Variants in MCTP1 observed in about 807,000 individuals in gnomAD.
The protein encoded by MCTP1 is multiple C2 and transmembrane domain-containing protein 1.
MCTP1 carries 69 observed loss-of-function variants against 120.6 expected under a neutral mutation model. The observed-to-expected ratio is 0.57, with a 90% confidence interval of 0.47 to 0.70. The LOEUF is 0.70. Among genes scored for constraint, MCTP1 ranks in the 30% least tolerant of loss-of-function variants. The probability of loss-of-function intolerance (pLI) is 0.00; values close to 1 mark genes in which losing one functional copy is unlikely to be tolerated. For missense variants in MCTP1, 1,203 were observed against 1,248.8 expected (o/e 0.96, Z 0.55); for synonymous variants, 529 against 493.1 (o/e 1.07, Z -0.96).
chr5:95,283,822 G>T (rs1760519928), intron 1 of MCTP1, 34 bp downstream of exon 1: 2 of 1,285,788 alleles, frequency 1.6e-6, no homozygotes, highest in Non-Finnish European at 1.9e-6. Context: ...GTGGTCCCGC[G>T]CACCTTGTCT....
intron 1 of MCTP1, among the ~76,000 whole-genome samples, chr5:95,023,148 C>T (rs1463659379): frequency 1.3e-5 from 2 of 152,152 alleles, no homozygotes; most frequent in Admixed American, 6.6e-5. Flanking sequence ...AACATGAAAC[C>T]ATCACAGGCT....
intron 1 of MCTP1, among the ~76,000 whole-genome samples, chr5:95,185,520 A>C (rs1749110370): frequency 6.6e-6 from 1 of 152,224 alleles, no homozygotes; most frequent in Non-Finnish European, 1.5e-5. Context: ...GCAGTGGCTC[A>C]TACCTGTAAT....
intron 2 of MCTP1, among the ~76,000 whole-genome samples, chr5:94,974,100 T>C (rs775805241): frequency 6.6e-6 from 1 of 152,168 alleles, no homozygotes; most frequent in Non-Finnish European, 1.5e-5. Flanking sequence ...TATAATTACT[T>C]AACAATCTGA....
At chr5:94,999,602 A>G (rs755058598) in intron 2 of MCTP1, among the ~76,000 whole-genome samples, 10 of 152,180 alleles carry the variant, frequency 6.6e-5, no homozygotes, top group Non-Finnish European at 1.2e-4. Flanking sequence ...CAAAGGCTCA[A>G]TTAAAATTGA....
intron 2 of MCTP1, among the ~76,000 whole-genome samples, chr5:94,987,734 A>G (rs1478257947): frequency 2.0e-5 from 3 of 152,206 alleles, no homozygotes; most frequent in Non-Finnish European, 2.9e-5. Flanking sequence ...ATAGAAAATA[A>G]TATCTTCACT....
intron 2 of MCTP1, among the ~76,000 whole-genome samples, chr5:94,997,571 T>G (rs1321913556): frequency 6.6e-6 from 1 of 152,178 alleles, no homozygotes; most frequent in African/African-American, 2.4e-5. Flanking sequence ...CTGTTTTTAT[T>G]GTTTTGGGCA....
chr5:95,166,577 T>A (rs1049832964), intron 1 of MCTP1, among the ~76,000 whole-genome samples: 27 of 150,594 alleles, frequency 1.8e-4, no homozygotes, highest in African/African-American at 5.9e-4. Context: ...CATTTTTTTT[T>A]TTTTTTTTTG....
At chr5:95,104,083 G>A (rs1284701064) in intron 1 of MCTP1, among the ~76,000 whole-genome samples, 1 of 152,004 alleles carries the variant, frequency 6.6e-6, no homozygotes, top group African/African-American at 2.4e-5. Context: ...AATGCCTTAC[G>A]TATCAATTAT....
At chr5:95,219,096 T>A (rs2031641567) in intron 1 of MCTP1, among the ~76,000 whole-genome samples, 1 of 152,142 alleles carries the variant, frequency 6.6e-6, no homozygotes, top group Admixed American at 6.6e-5. Flanking sequence ...AATTTCCTTT[T>A]AAAGGCCAGG....
rs528527453 is a variant in MCTP1, at chr5:95,212,815, C to A, written c.720+71041G>T. ...AAGGCCTTTGAAAAAATTCAACAAC[C>A]CTTCATGTTAAAAACTCTCAATAAA... On this transcript the variant is annotated intron_variant, in intron 1 of 22. Coordinates refer to ENST00000515393, the MANE Select transcript of MCTP1 (RefSeq NM_024717.7). Among the ~76,000 whole-genome samples the A allele has an allele frequency of 7.2e-5, 11 of 151,982 alleles. No individual in the cohort carries two copies. In the East Asian group the frequency reaches 1.4e-3, roughly 19 times the overall value.
intron 1 of MCTP1, among the ~76,000 whole-genome samples, chr5:95,201,536 G>A (rs530288743): frequency 6.4e-5 from 7 of 109,076 alleles, no homozygotes; most frequent in East Asian, 6.4e-4. Flanking sequence ...ACAGAGTCTC[G>A]CTTTGTTGCC....
chr5:94,840,944 A>G (rs1278582275), intron 17 of MCTP1, among the ~76,000 whole-genome samples: 1 of 152,156 alleles, frequency 6.6e-6, no homozygotes, highest in Non-Finnish European at 1.5e-5. Flanking sequence ...GAGGAAGGGA[A>G]ATTGTTGATG....
chr5:94,816,035 G>C (rs1784414214), intron 17 of MCTP1, among the ~76,000 whole-genome samples: 1 of 152,068 alleles, frequency 6.6e-6, no homozygotes, highest in South Asian at 2.1e-4. Flanking sequence ...AACAAGAAAA[G>C]GTAAAGTAGG....
chr5:94,917,827 G>A, intron 8 of MCTP1, 69 bp downstream of exon 8: 2 of 1,241,022 alleles, frequency 1.6e-6, no homozygotes, highest in East Asian at 2.3e-5. Flanking sequence ...AGTACAGTAA[G>A]TTGGCTCTCA....
intron 17 of MCTP1, among the ~76,000 whole-genome samples, chr5:94,828,478 G>A (rs114770666): frequency 1.0e-3 from 156 of 152,346 alleles, no homozygotes; most frequent in African/African-American, 3.6e-3. Context: ...GAGCTTGAGC[G>A]CATTGCTGGG....
At chr5:94,847,646 C>CTGTGTGTG (rs70978134) in intron 17 of MCTP1, among the ~76,000 whole-genome samples, 31 of 115,710 alleles carry the variant, frequency 2.7e-4, no homozygotes, top group African/African-American at 9.6e-4. Context: ...AAGCAGCAAT[C>CTGTGTGTG]TGTGTGTGTG....
At chr5:95,074,734 C>T (rs961098196) in intron 1 of MCTP1, among the ~76,000 whole-genome samples, 7 of 152,020 alleles carry the variant, frequency 4.6e-5, no homozygotes, top group Non-Finnish European at 8.8e-5. Context: ...CTACGTAGGG[C>T]GTAAAATATG....
At chr5:94,779,988 G>A (rs1400259544) in intron 18 of MCTP1, among the ~76,000 whole-genome samples, 1 of 152,008 alleles carries the variant, frequency 6.6e-6, no homozygotes, top group East Asian at 1.9e-4. Context: ...TCCATTTCAG[G>A]CTTTTTAAAA....
chr5:94,903,724 C>A (rs1488154782), intron 10 of MCTP1, among the ~76,000 whole-genome samples: 1 of 152,200 alleles, frequency 6.6e-6, no homozygotes, highest in Non-Finnish European at 1.5e-5. Context: ...AATTCACCAA[C>A]CTAAAATATA....
Sources: allele counts gnomAD v4.1 joint callset (sites outside exome capture counted in the v4.1 genomes callset), GRCh38; gene constraint gnomAD v4.1.1; transcripts MANE v1.5; gene names NCBI Gene and HGNC (gene_info 2026-07-23, HGNC 2026-07-21).